The following FYB2 variants were observed in gnomAD, a reference collection of about 807,000 sequenced individuals.
FYB2 encodes the protein FYN-binding protein 2.
Under a neutral mutation model 94.1 loss-of-function variants are expected in FYB2, and 103 were observed. That is an observed-to-expected ratio of 1.09 (90% confidence interval 0.93 to 1.29). FYB2 has a LOEUF of 1.29. Ranked by LOEUF, FYB2 falls within the 50% of genes most tolerant of loss-of-function variation. FYB2 has a pLI of 0.00. For synonymous variants in FYB2, 293 were observed against 287.9 expected, an observed-to-expected ratio of 1.02 and a Z score of -0.18; for missense variants, 896 against 841.5, an observed-to-expected ratio of 1.06 and a Z score of -0.80.
intron 5 of FYB2, among the ~76,000 whole-genome samples, chr1:56,764,743 C>T (rs1645581508): frequency 6.6e-6 from 1 of 151,860 alleles, no homozygotes; most frequent in Non-Finnish European, 1.5e-5. Flanking sequence ...TTTTCAGCTT[C>T]AGCTGCCGTA....
intron 1 of FYB2, among the ~76,000 whole-genome samples, chr1:56,795,005 T>C (rs948218171): frequency 6.6e-6 from 1 of 151,690 alleles, no homozygotes; most frequent in African/African-American, 2.4e-5. Context: ...ACTGCCTACA[T>C]AACACTGCCA....
At chr1:56,826,428 C>G in the FYB2 span, 3 of 152,402 alleles carry the variant, frequency 2.0e-5, no homozygotes, top group Non-Finnish European at 2.9e-5. Flanking sequence ...AGCCTTGGCT[C>G]CCATCACTGG....
At chr1:56,743,851 ATTAGCACATACCTTGGTATTGCTG>A (rs889897949) in intron 11 of FYB2, among the ~76,000 whole-genome samples, 151 bp downstream of exon 11, 1 of 152,082 alleles carries the variant, frequency 6.6e-6, no homozygotes, top group African/African-American at 2.4e-5. Context: ...AAATGCATTT[ATTAGCACATACCTTGGTATTGCTG>A]TTAGCACATA....
chr1:56,758,965 G>A (rs1275815792), intron 5 of FYB2, among the ~76,000 whole-genome samples: 2 of 152,148 alleles, frequency 1.3e-5, no homozygotes, highest in Admixed American at 1.3e-4. Context: ...GGAATTTACA[G>A]TCGATGAAGC....
intron 15 of FYB2, chr1:56,731,969 T>C (rs946109624): frequency 2.0e-5 from 3 of 151,976 alleles, no homozygotes. Context: ...AACAAAGTAC[T>C]AGAAGTTCCA....
chr1:56,826,001 C>T, the FYB2 span, among the ~76,000 whole-genome samples: 67,442 of 152,156 alleles, frequency 0.44, 15,651 homozygotes, highest in East Asian at 0.58. Flanking sequence ...CAGTGGACTA[C>T]GCCTCACTCA....
intron 16 of FYB2, among the ~76,000 whole-genome samples, 175 bp from the exon 17 acceptor site, chr1:56,723,856 C>CAT (rs397980272): frequency 6.6e-6 from 1 of 151,820 alleles, no homozygotes; most frequent in African/African-American, 2.4e-5. Flanking sequence ...TGTACACACA[C>CAT]GTATGTAGGT....
In FYB2 at chr1:56,757,471, G is replaced by A. The variant is rs563233824; in HGVS notation, c.1098+1245C>T. Among the ~76,000 whole-genome samples, 41 of 121,248 alleles carry A rather than the reference G, an allele frequency of 3.4e-4. 1 individual carries two copies. The highest frequency in any genetic ancestry group is 3.1e-3 in the Admixed American group (35 of 11,382). The allele number at this position is 121,248 out of a possible 152,430, so 79.5% of individuals were successfully genotyped here. ...AGGGCCTTCTATGAGCTTACACAGTGCTTACATACTGTGTTTGCCTTACTT... is the reference window on the plus strand; with the variant it reads ...AGGGCCTTCTATGAGCTTACACAGTACTTACATACTGTGTTTGCCTTACTT... On this transcript the variant is annotated intron_variant, in intron 6 of 19. Transcript: ENST00000343433.
chr1:56,738,839 T>C (rs41312040), intron 13 of FYB2, among the ~76,000 whole-genome samples, 186 bp from the exon 14 acceptor site: 7 of 152,046 alleles, frequency 4.6e-5, no homozygotes, highest in African/African-American at 1.7e-4. Context: ...CAAGATGTTA[T>C]GGGAACACAA....
At chr1:56,791,804 T>G (rs1341251076) in intron 2 of FYB2, among the ~76,000 whole-genome samples, 1 of 152,188 alleles carries the variant, frequency 6.6e-6, no homozygotes, top group East Asian at 1.9e-4. Context: ...TTCATGCAGC[T>G]TGTCAGAAGT....
upstream of FYB2, among the ~76,000 whole-genome samples, chr1:56,820,446 T>G (rs1465298271): frequency 6.6e-6 from 1 of 152,190 alleles, no homozygotes; most frequent in Non-Finnish European, 1.5e-5. Flanking sequence ...CTTTCAGCTC[T>G]CCCGGGGTTG....
intron 15 of FYB2, among the ~76,000 whole-genome samples, chr1:56,730,509 C>CTATCTGCTA (rs1241994891): frequency 2.0e-5 from 3 of 151,892 alleles, no homozygotes; most frequent in African/African-American, 7.3e-5. Flanking sequence ...CTGTGAGCAA[C>CTATCTGCTA]TATCTGCTAA....
At chr1:56,766,457 G>C (rs982707511) in intron 5 of FYB2, among the ~76,000 whole-genome samples, 5 of 150,158 alleles carry the variant, frequency 3.3e-5, no homozygotes, top group African/African-American at 7.4e-5. Flanking sequence ...TTTTTGAGAC[G>C]GAGTCTCGCT....
Position 56,814,254 on chromosome 1 carries a change from C to T in FYB2, c.9+5028G>A, listed in dbSNP as rs113257940. The stretch of plus-strand genomic sequence containing the variant: ...ATACAGGGCAGGCACCAGAGTGCCT[C>T]GGCTTTATCATCCAGGCCACAGAGC... On this transcript the variant is annotated intron_variant, in intron 1 of 19. Coordinates refer to ENST00000343433, the MANE Select transcript of FYB2 (RefSeq NM_001004303.5). Among the ~76,000 whole-genome samples, 917 of 152,256 alleles carry T rather than the reference C, an allele frequency of 6.0e-3. 7 individuals are homozygous for T. Among genetic ancestry groups the T allele is most frequent in the African/African-American group, 0.021 (862 of 41,536 alleles).
intron 4 of FYB2, among the ~76,000 whole-genome samples, chr1:56,781,275 C>T (rs1300323268): frequency 2.0e-5 from 3 of 152,200 alleles, no homozygotes; most frequent in African/African-American, 4.8e-5. Flanking sequence ...CTAAGCACTT[C>T]ACCTGTGTTA....
intron 11 of FYB2, among the ~76,000 whole-genome samples, chr1:56,743,629 G>C (rs1246196227): frequency 6.6e-6 from 1 of 152,032 alleles, no homozygotes; most frequent in East Asian, 1.9e-4. Context: ...TGAGTACAGT[G>C]TGAGATGAGG....
At chr1:56,729,321 G>A (rs857135) in intron 15 of FYB2, among the ~76,000 whole-genome samples, 22,348 of 152,018 alleles carry the variant, frequency 0.15, 1,720 homozygotes, top group East Asian at 0.26. Flanking sequence ...TTGGGGATGG[G>A]AAAAGTGGGA....
chr1:56,772,529 C>A (rs857162), intron 4 of FYB2, among the ~76,000 whole-genome samples: 123,728 of 152,066 alleles, frequency 0.81, 51,066 homozygotes, highest in African/African-American at 0.95. Context: ...ATTGGAGGGA[C>A]GAAATAACTC....
chr1:56,776,179 T>G (rs1645871739), intron 4 of FYB2, among the ~76,000 whole-genome samples: 1 of 152,100 alleles, frequency 6.6e-6, no homozygotes, highest in South Asian at 2.1e-4. Flanking sequence ...CAGACGATGG[T>G]GAAGGTCAAG....
Sources: allele counts gnomAD v4.1 joint callset (sites outside exome capture counted in the v4.1 genomes callset), GRCh38; gene constraint gnomAD v4.1.1; transcripts MANE v1.5; gene names NCBI Gene and HGNC (gene_info 2026-07-23, HGNC 2026-07-21).